Variants in PHEX observed in about 807,000 individuals in gnomAD.
PHEX encodes the protein phosphate-regulating neutral endopeptidase PHEX.
In PHEX, 16 loss-of-function variants were observed where a neutral mutation model predicts 68.0. The observed-to-expected ratio is 0.24, with a 90% CI of 0.16 to 0.36. PHEX has a LOEUF of 0.36. PHEX is among the 10% of genes least tolerant of loss of function. PHEX has a pLI of 1.00. For missense variants in PHEX, 480 were observed against 575.5 expected (o/e 0.83, Z 1.70); for synonymous variants, 208 against 205.1 (o/e 1.01, Z -0.12).
At chrX:22,055,504 A>G (rs1196013411) in intron 3 of PHEX, among the ~76,000 whole-genome samples, 1 of 111,427 alleles carries the variant, frequency 9.0e-6, no homozygotes, top group Admixed American at 9.5e-5. Flanking sequence ...AGAGGCCATC[A>G]GAGTGACTAC....
chrX:22,083,870 G>A (rs1345742110), intron 5 of PHEX, among the ~76,000 whole-genome samples: 1 of 111,687 alleles, frequency 9.0e-6, no homozygotes, highest in Non-Finnish European at 1.9e-5. Flanking sequence ...CTAGTATTGC[G>A]CTGAATAAAA....
rs754814454 is a variant in PHEX at position 22,120,161 on chromosome X, A to T, written c.1302+5575A>T. Among the ~76,000 whole-genome samples, 98 of 112,045 alleles carry T rather than the reference A, an allele frequency of 8.7e-4. 2 individuals carry two copies. Among genetic ancestry groups the T allele is most frequent in the African/African-American group, 3.1e-3 (95 of 30,875 alleles). On this transcript the variant is annotated intron_variant, in intron 11 of 21. Transcript: ENST00000379374. ...TTAAGTGCTTTCAGTGTGTGAACTC[A>T]CTTATCCTCACAATGACCCTGTTAC... is the stretch of plus-strand genomic sequence containing the variant.
intron 15 of PHEX, among the ~76,000 whole-genome samples, chrX:22,209,791 C>T (rs1174063477): frequency 1.1e-5 from 1 of 88,069 alleles, no homozygotes; most frequent in African/African-American, 4.3e-5. Context: ...CTCCCTCTCT[C>T]TCTCCCTCTC....
At chrX:22,164,387 T>C (rs1933241869) in intron 12 of PHEX, among the ~76,000 whole-genome samples, 1 of 112,242 alleles carries the variant, frequency 8.9e-6, no homozygotes, top group Non-Finnish European at 1.9e-5. Flanking sequence ...TCTAGGTATG[T>C]ATCTTTGGGA....
intron 12 of PHEX, among the ~76,000 whole-genome samples, chrX:22,164,739 T>C (rs763943084): frequency 2.4e-4 from 27 of 112,523 alleles, no homozygotes; most frequent in Admixed American, 9.4e-5. Flanking sequence ...GTTATGCATA[T>C]GACTTATAGC....
At chrX:22,145,497 T>C (rs1037875379) in intron 12 of PHEX, among the ~76,000 whole-genome samples, 5 of 110,199 alleles carry the variant, frequency 4.5e-5, no homozygotes, top group African/African-American at 1.7e-4. Flanking sequence ...GCACGTGTAA[T>C]CCCAGCTACT....
At chrX:22,098,049 T>C (rs1299228215) in intron 8 of PHEX, 1 of 115,582 alleles carries the variant, frequency 8.7e-6, no homozygotes, top group East Asian at 2.8e-4. Context: ...TGAGCTACCA[T>C]GCCTGGCTGC....
At chrX:22,062,954 T>C (rs998123933) in intron 3 of PHEX, among the ~76,000 whole-genome samples, 1 of 110,529 alleles carries the variant, frequency 9.0e-6, no homozygotes, top group Non-Finnish European at 1.9e-5. Flanking sequence ...AAAGACGGGG[T>C]TTCACCATGT....
rs1220694938 is a variant in PHEX, at chrX:22,249,452, AAAAAT to A, written c.*1501_*1505del. ...GATTTGTGATTCTTTTAAAAAAAAAAAAAATATATATATATATATATATATATATA... is the reference window on the plus strand; with the variant it reads ...GATTTGTGATTCTTTTAAAAAAAAAAATATATATATATATATATATATATA... On this transcript the variant is annotated 3_prime_UTR_variant, in exon 22 of 22. Coordinates refer to ENST00000379374, the MANE Select transcript of PHEX (RefSeq NM_000444.6). 7.4e-5 allele frequency: 3 copies of A among 40,618 alleles called. No individual in the cohort carries two copies. The highest frequency in any genetic ancestry group is 1.3e-3 in the South Asian group (1 of 760). 3.3% of individuals were successfully genotyped at this position (40,618 alleles called of 1,213,427 possible). A position where few individuals can be genotyped will look rare whatever the true frequency, so the allele number is the denominator to read the frequency against.
At chrX:22,197,592 G>A (rs1428407192) in intron 15 of PHEX, among the ~76,000 whole-genome samples, 5 of 110,732 alleles carry the variant, frequency 4.5e-5, no homozygotes, top group African/African-American at 1.6e-4. Flanking sequence ...TCAGATGACC[G>A]TGGCCCAGGC....
intron 20 of PHEX, among the ~76,000 whole-genome samples, chrX:22,232,501 T>C (rs573395416): frequency 1.8e-4 from 20 of 109,314 alleles, no homozygotes; most frequent in African/African-American, 6.6e-4. Context: ...CTTGTTGCAT[T>C]GACCCCTTTA....
intron 11 of PHEX, among the ~76,000 whole-genome samples, chrX:22,119,038 C>T (rs1931367741): frequency 8.9e-6 from 1 of 111,814 alleles, no homozygotes; most frequent in African/African-American, 3.3e-5. Flanking sequence ...AGTAGCACTA[C>T]CCAATTGAAC....
chrX:22,118,498 G>C (rs1295951070), intron 11 of PHEX, among the ~76,000 whole-genome samples: 2 of 110,802 alleles, frequency 1.8e-5, no homozygotes, highest in East Asian at 5.6e-4. Context: ...GATTCAGATT[G>C]GTTTAAATGG....
At chrX:22,073,777 C>T (rs1050613737) in intron 3 of PHEX, among the ~76,000 whole-genome samples, 4 of 106,879 alleles carry the variant, frequency 3.7e-5, no homozygotes, top group African/African-American at 1.4e-4. Flanking sequence ...GTAGCTGGGA[C>T]TACAGGTGTG....
intron 8 of PHEX, 67 bp downstream of exon 8, chrX:22,097,105 CTG>C: frequency 1.3e-6 from 1 of 786,022 alleles, no homozygotes; most frequent in South Asian, 2.1e-5. Context: ...GATTTCATCT[CTG>C]TGTAAATTTG....
At chrX:22,037,481 C>T (rs1005952729) in intron 1 of PHEX, among the ~76,000 whole-genome samples, 4 of 112,074 alleles carry the variant, frequency 3.6e-5, no homozygotes, top group African/African-American at 1.3e-4. Flanking sequence ...CTTTTGAAAT[C>T]TTAAACTAAC....
chrX:22,036,033 T>TACACACACACACACACAC, intron 1 of PHEX, among the ~76,000 whole-genome samples: 1 of 58,306 alleles, frequency 1.7e-5, no homozygotes, highest in African/African-American at 7.5e-5. Flanking sequence ...CACACACACG[T>TACACACACACACACACAC]ACATATATAT....
intron 14 of PHEX, among the ~76,000 whole-genome samples, chrX:22,178,769 T>C (rs1933790887): frequency 8.9e-6 from 1 of 112,262 alleles, no homozygotes; most frequent in South Asian, 3.7e-4. Flanking sequence ...AGTAAATGTA[T>C]AGAAGCAACT....
intron 6 of PHEX, among the ~76,000 whole-genome samples, chrX:22,093,329 CAT>C (rs1177736003): frequency 8.9e-6 from 1 of 111,960 alleles, no homozygotes; most frequent in Non-Finnish European, 1.9e-5. Flanking sequence ...CACCCAATGA[CAT>C]ATGATTATCC....
Sources: allele counts gnomAD v4.1 joint callset (sites outside exome capture counted in the v4.1 genomes callset), GRCh38; gene constraint gnomAD v4.1.1; transcripts MANE v1.5; gene names NCBI Gene and HGNC (gene_info 2026-07-23, HGNC 2026-07-21).